MAOB: variants seen among roughly 807,000 people sequenced by gnomAD.
MAOB encodes amine oxidase [flavin-containing] B.
MAOB carries 15 observed loss-of-function variants against 41.9 expected under a neutral mutation model. The observed-to-expected ratio is 0.36, with a 90% CI of 0.24 to 0.55. The LOEUF (loss-of-function observed/expected upper bound fraction) is 0.55. Among genes scored for constraint, MAOB ranks in the 20% least tolerant of loss-of-function variants. MAOB has a pLI of 0.86. For synonymous variants in MAOB, 167 were observed against 144.2 expected, an observed-to-expected ratio of 1.16 and a Z score of -1.13; for missense variants, 345 against 398.7, an observed-to-expected ratio of 0.87 and a Z score of 1.15.
At chrX:43,856,713 C>T (rs747198674) in intron 1 of MAOB, among the ~76,000 whole-genome samples, 21 of 110,181 alleles carry the variant, frequency 1.9e-4, no homozygotes, top group Non-Finnish European at 3.6e-4. Context: ...CACAGGGAAG[C>T]GAAAATATAT....
intron 7 of MAOB, among the ~76,000 whole-genome samples, chrX:43,794,914 G>GA (rs200547561): frequency 0.029 from 3,126 of 107,777 alleles, 141 homozygotes; most frequent in African/African-American, 0.099. Flanking sequence ...TGAGAGAATG[G>GA]AAAAAAGTGC....
At chrX:43,829,895 C>G (rs1387311638) in intron 3 of MAOB, among the ~76,000 whole-genome samples, 2 of 111,878 alleles carry the variant, frequency 1.8e-5, no homozygotes, top group Non-Finnish European at 3.8e-5. Flanking sequence ...TAGCCACTCA[C>G]CAGGCTATTG....
chrX:43,836,609 C>T (rs1175943750), intron 3 of MAOB, among the ~76,000 whole-genome samples: 1 of 112,028 alleles, frequency 8.9e-6, no homozygotes, highest in East Asian at 2.8e-4. Context: ...CCATTTCCTC[C>T]AGCAGAGGTC....
Position 43,793,598 on chromosome X carries a change from G to A in MAOB, c.769-20C>T, listed in dbSNP as rs2034489094. 5 of 1,155,885 alleles carry A rather than the reference G, an allele frequency of 4.3e-6. 1 individual carries two copies. In the South Asian group the frequency reaches 9.7e-5, roughly 22 times the overall value. Reference sequence around the variant, plus strand: ...TTTAGCCTGAAAGAAAAGCAACATGGTTAAACATTGTTGCCGTGTTGCTTT... The same window carrying A: ...TTTAGCCTGAAAGAAAAGCAACATGATTAAACATTGTTGCCGTGTTGCTTT... On this transcript the variant is annotated intron_variant, in intron 7 of 14. Coordinates refer to ENST00000378069, the MANE Select transcript of MAOB (RefSeq NM_000898.5).
chrX:43,789,526 C>A (rs1009482828), intron 8 of MAOB, among the ~76,000 whole-genome samples: 7 of 111,903 alleles, frequency 6.3e-5, no homozygotes, highest in Admixed American at 3.8e-4. Flanking sequence ...AGCAAGGAGA[C>A]CACAAGAATT....
At chrX:43,800,889 AG>A (rs1355792477) in intron 5 of MAOB, among the ~76,000 whole-genome samples, 3 of 111,393 alleles carry the variant, frequency 2.7e-5, no homozygotes, top group East Asian at 5.6e-4. Context: ...ATACCACAAT[AG>A]CCTGCTTTTC....
chrX:43,880,044 C>A (rs1400496493), intron 1 of MAOB, among the ~76,000 whole-genome samples: 3 of 112,048 alleles, frequency 2.7e-5, no homozygotes, highest in Non-Finnish European at 1.9e-5. Flanking sequence ...ATCACCTTCC[C>A]TAGAATTTTT....
At chrX:43,775,136 A>C in intron 12 of MAOB, 39 bp downstream of exon 12, 1 of 1,113,432 alleles carries the variant, frequency 9.0e-7, no homozygotes. Context: ...ATTCAGGTGC[A>C]GGGGATTTCT....
intron 1 of MAOB, among the ~76,000 whole-genome samples, chrX:43,860,907 C>T (rs752036564): frequency 5.4e-4 from 60 of 112,005 alleles, no homozygotes; most frequent in South Asian, 2.6e-3. Flanking sequence ...GTAATGCTCA[C>T]CTCCCTGATA....
chrX:43,777,316 G>A (rs1188774664), intron 11 of MAOB, among the ~76,000 whole-genome samples: 4 of 110,292 alleles, frequency 3.6e-5, no homozygotes, highest in African/African-American at 1.3e-4. Context: ...TTTTTGTCTT[G>A]ATACTTTACT....
At chrX:43,795,186 G>C (rs1196524792) in intron 7 of MAOB, among the ~76,000 whole-genome samples, 1 of 111,593 alleles carries the variant, frequency 9.0e-6, no homozygotes, top group African/African-American at 3.3e-5. Context: ...TGACCAATCT[G>C]CTTCCAGTTG....
At chrX:43,827,262 T>C (rs184468785) in intron 3 of MAOB, among the ~76,000 whole-genome samples, 1 of 112,290 alleles carries the variant, frequency 8.9e-6, no homozygotes, top group East Asian at 2.8e-4. Context: ...GTGGATTGAC[T>C]GAACTCAGCT....
intron 5 of MAOB, among the ~76,000 whole-genome samples, chrX:43,799,916 T>C (rs1338322030): frequency 9.0e-6 from 1 of 111,542 alleles, no homozygotes; most frequent in Admixed American, 9.6e-5. Context: ...TGTGATCACA[T>C]TGAAAATACA....
At chrX:43,800,289 A>G (rs1379418409) in intron 5 of MAOB, among the ~76,000 whole-genome samples, 2 of 111,481 alleles carry the variant, frequency 1.8e-5, no homozygotes, top group East Asian at 5.6e-4. Context: ...TGAGGAGAGA[A>G]GACCTAACTG....
intron 12 of MAOB, among the ~76,000 whole-genome samples, chrX:43,770,106 C>T (rs750332027): frequency 4.5e-5 from 5 of 111,168 alleles, no homozygotes; most frequent in Non-Finnish European, 5.7e-5. Flanking sequence ...AGAAGAGGGC[C>T]TACTGATGTC....
intron 1 of MAOB, among the ~76,000 whole-genome samples, chrX:43,847,541 C>T (rs978584515): frequency 1.8e-5 from 2 of 111,079 alleles, no homozygotes; most frequent in East Asian, 2.8e-4. Flanking sequence ...CTGTAGGTTA[C>T]GCAATTAGTA....
intron 1 of MAOB, among the ~76,000 whole-genome samples, chrX:43,854,241 C>T (rs1417347750): frequency 8.9e-6 from 1 of 111,894 alleles, no homozygotes; most frequent in African/African-American, 3.3e-5. Context: ...AGTGACAAAG[C>T]TTAATAATCT....
intron 3 of MAOB, among the ~76,000 whole-genome samples, chrX:43,820,949 G>C (rs754218058): frequency 8.9e-6 from 1 of 112,394 alleles, no homozygotes; most frequent in African/African-American, 3.2e-5. Context: ...TATGACCTCA[G>C]GTAAGTTACA....
Position 43,811,437 on chromosome X carries a change from G to A in MAOB, c.280-8033C>T, listed in dbSNP as rs915303609. On this transcript the variant is annotated intron_variant, in intron 3 of 14. Transcript: ENST00000378069. Reference sequence around the variant, plus strand: ...TTGCCCTTCTAACTGTTGGGAGCCAGGGTAAGCCACCTTCCCCTCTATAAC... The same window carrying A: ...TTGCCCTTCTAACTGTTGGGAGCCAAGGTAAGCCACCTTCCCCTCTATAAC... Among the ~76,000 whole-genome samples, 3 of 111,504 alleles carry A rather than the reference G, an allele frequency of 2.7e-5. No homozygotes were observed. In the South Asian group the frequency reaches 1.1e-3, roughly 43 times the overall value.
Sources: gnomAD v4.1 joint callset for allele counts (sites outside exome capture counted in the v4.1 genomes callset) on GRCh38, gnomAD v4.1.1 for gene constraint, MANE v1.5 for transcripts, NCBI Gene and HGNC (gene_info 2026-07-23, HGNC 2026-07-21) for gene names.